Variants in INTS6 observed in about 807,000 individuals in gnomAD.
INTS6 encodes DEAD box protein.
INTS6 carries 16 observed loss-of-function variants against 104.9 expected under a neutral mutation model. The observed-to-expected ratio is 0.15, with a 90% CI of 0.10 to 0.23. The LOEUF (loss-of-function observed/expected upper bound fraction) is 0.23, where lower values mean the gene tolerates loss of function less well. INTS6 is among the 10% of genes least tolerant of loss of function. The pLI is 1.00. For synonymous variants in INTS6, 324 were observed against 358.7 expected (o/e 0.90, Z 1.09); for missense variants, 584 against 1,062.8 (o/e 0.55, Z 6.26).
downstream of INTS6, among the ~76,000 whole-genome samples, chr13:51,349,648 C>G (rs181617885): frequency 2.1e-3 from 323 of 152,214 alleles, 2 homozygotes; most frequent in Non-Finnish European, 1.4e-3. Flanking sequence ...GAAGAGACCC[C>G]GGGGAAATTC....
intron 4 of INTS6, among the ~76,000 whole-genome samples, chr13:51,400,554 C>A (rs111417442): frequency 0.011 from 1,729 of 152,202 alleles, 26 homozygotes; most frequent in East Asian, 0.071. Flanking sequence ...TACAGGCCAT[C>A]CTTTCTATGC....
intron 5 of INTS6, among the ~76,000 whole-genome samples, chr13:51,390,216 T>C (rs921493734): frequency 1.3e-5 from 2 of 152,040 alleles, no homozygotes; most frequent in African/African-American, 4.8e-5. Flanking sequence ...CATGTAGCTA[T>C]TGAGAACTTG....
downstream of INTS6, among the ~76,000 whole-genome samples, chr13:51,360,152 C>T (rs1449570813): frequency 6.6e-6 from 1 of 152,054 alleles, no homozygotes; most frequent in Non-Finnish European, 1.5e-5. Context: ...CCTGTGTGTG[C>T]GTGACAAACA....
chr13:51,370,107 A>G (rs1195534868), intron 15 of INTS6, among the ~76,000 whole-genome samples: 1 of 152,084 alleles, frequency 6.6e-6, no homozygotes, highest in Admixed American at 6.5e-5. Context: ...CAAATCCCCC[A>G]AATTCCTGAC....
At chr13:51,347,791 T>C in the INTS6 span, among the ~76,000 whole-genome samples, 6 of 152,190 alleles carry the variant, frequency 3.9e-5, no homozygotes, top group Admixed American at 3.3e-4. Context: ...CTGTCTACAG[T>C]ATGCCCGTTG....
At chr13:51,433,426 C>T (rs192732614) in intron 3 of INTS6, among the ~76,000 whole-genome samples, 18 of 152,200 alleles carry the variant, frequency 1.2e-4, no homozygotes, top group South Asian at 2.1e-4. Context: ...CCAGCCTGGG[C>T]GACAGAGTGA....
chr13:51,430,439 A>T (rs1593755235), intron 3 of INTS6, 56 bp from the exon 4 acceptor site: 3 of 1,382,768 alleles, frequency 2.2e-6, no homozygotes, highest in East Asian at 4.6e-5. Context: ...CTTACAAAGT[A>T]AAAAGTCAAT....
intron 3 of INTS6, among the ~76,000 whole-genome samples, chr13:51,434,754 G>A: frequency 1.4e-5 from 1 of 70,472 alleles, no homozygotes; most frequent in Admixed American, 1.4e-4. Context: ...ATACTGTTTT[G>A]CACTGTTTTG....
intron 5 of INTS6, 87 bp downstream of exon 5, chr13:51,395,213 A>T: frequency 7.6e-7 from 1 of 1,307,336 alleles, no homozygotes; most frequent in Non-Finnish European, 1.0e-6. Context: ...AAATAAAAAC[A>T]AACATGGAGC....
At chr13:51,334,521 G>C in the INTS6 span, among the ~76,000 whole-genome samples, 19 of 152,278 alleles carry the variant, frequency 1.2e-4, no homozygotes, top group African/African-American at 3.8e-4. Flanking sequence ...AAATTTTCCA[G>C]ATTAATCAAT....
At chr13:51,348,290 C>T in the INTS6 span, 9 of 1,611,928 alleles carry the variant, frequency 5.6e-6, no homozygotes, top group Non-Finnish European at 6.8e-6. Context: ...GAGTCTGTTC[C>T]TGGTGCTGCC....
chr13:51,349,229 C>T (rs1955382441), downstream of INTS6, among the ~76,000 whole-genome samples: 1 of 152,116 alleles, frequency 6.6e-6, no homozygotes, highest in East Asian at 1.9e-4. Context: ...TAGGCAAAGG[C>T]AAAGTCCTTG....
chr13:51,402,975 C>A (rs574250789), intron 4 of INTS6, among the ~76,000 whole-genome samples: 1 of 152,046 alleles, frequency 6.6e-6, no homozygotes, highest in Non-Finnish European at 1.5e-5. Flanking sequence ...AAACACAGCA[C>A]GATTTCAGGA....
intron 17 of INTS6, among the ~76,000 whole-genome samples, chr13:51,367,590 G>C (rs1340318358): frequency 1.3e-5 from 2 of 152,066 alleles, no homozygotes; most frequent in Admixed American, 1.3e-4. Context: ...TTTGTAGGGA[G>C]AAAAGGTCCA....
intron 4 of INTS6, among the ~76,000 whole-genome samples, chr13:51,416,460 C>G (rs920644584): frequency 1.3e-5 from 2 of 152,154 alleles, no homozygotes; most frequent in Non-Finnish European, 1.5e-5. Flanking sequence ...ATTCTAGACA[C>G]TTCATATAAA....
Position 51,382,020 on chromosome 13 carries a change from T to C in INTS6, c.1275+9A>G, listed in dbSNP as rs1566213369. ...CCGGCCAACAAGTTCTTTTAAATAATATTCTTACCCCAAGATAGTAGGGAG... is the reference window on the plus strand; with the variant it reads ...CCGGCCAACAAGTTCTTTTAAATAACATTCTTACCCCAAGATAGTAGGGAG... On this transcript the variant is annotated intron_variant, in intron 10 of 17. Coordinates refer to ENST00000311234, the MANE Select transcript of INTS6 (RefSeq NM_012141.3). The C allele has an allele frequency of 1.9e-6, 3 of 1,585,666 alleles. No individual in the cohort carries two copies. Among genetic ancestry groups the C allele is most frequent in the Non-Finnish European group, 2.6e-6 (3 of 1,157,830 alleles).
intron 4 of INTS6, among the ~76,000 whole-genome samples, chr13:51,419,196 A>G (rs1956850587): frequency 6.6e-6 from 1 of 152,182 alleles, no homozygotes; most frequent in Non-Finnish European, 1.5e-5. Flanking sequence ...GTGAAAACAG[A>G]TGAGGTGCCA....
At chr13:51,344,216 C>A in the INTS6 span, 1 of 1,516,880 alleles carries the variant, frequency 6.6e-7, no homozygotes, top group South Asian at 1.1e-5. Context: ...TACTCACACT[C>A]ACCATTGTCA....
At chr13:51,383,491 T>C (rs1956088202) in intron 8 of INTS6, 30 bp from the exon 9 acceptor site, 1 of 1,607,322 alleles carries the variant, frequency 6.2e-7, no homozygotes, top group Non-Finnish European at 8.5e-7. Context: ...AAAACTTTAA[T>C]AACCTTTAAA....
Sources: allele counts gnomAD v4.1 joint callset (sites outside exome capture counted in the v4.1 genomes callset), GRCh38; gene constraint gnomAD v4.1.1; transcripts MANE v1.5; gene names NCBI Gene and HGNC (gene_info 2026-07-23, HGNC 2026-07-21).